The following KCNIP4 variants were observed in gnomAD, a reference collection of about 807,000 sequenced individuals.
KCNIP4 encodes potassium voltage-gated channel interacting protein 4, also known as Kv channel-interacting protein 4.
A neutral mutation model predicts 34.0 loss-of-function variants in KCNIP4; 12 were observed. The ratio of observed to expected loss-of-function variants is 0.35; its 90% confidence interval spans 0.23 to 0.57. The LOEUF is 0.57. Ranked by LOEUF, KCNIP4 falls within the 20% of genes least tolerant of loss-of-function variation. KCNIP4 has a pLI of 0.83. For missense variants in KCNIP4, 238 were observed against 311.7 expected, an observed-to-expected ratio of 0.76 and a Z score of 1.78; for synonymous variants, 124 against 102.2, an observed-to-expected ratio of 1.21 and a Z score of -1.29.
chr4:21,366,961 T>G (rs1463199594), intron 1 of KCNIP4, among the ~76,000 whole-genome samples: 1 of 152,134 alleles, frequency 6.6e-6, no homozygotes, highest in Non-Finnish European at 1.5e-5. Context: ...AGGAGGTGAT[T>G]AACTCATGAG....
intron 2 of KCNIP4, among the ~76,000 whole-genome samples, chr4:20,867,829 A>G (rs1341081042): frequency 4.6e-5 from 7 of 152,042 alleles, no homozygotes; most frequent in Admixed American, 2.6e-4. Context: ...GAATTGAACA[A>G]TGAGAACACA....
At chr4:20,820,962 C>T (rs1257887925) in intron 3 of KCNIP4, among the ~76,000 whole-genome samples, 1 of 152,208 alleles carries the variant, frequency 6.6e-6, no homozygotes, top group Non-Finnish European at 1.5e-5. Context: ...GCTGTGGAGG[C>T]ATAGCTACCT....
At chr4:20,810,293 C>A (rs1021471465) in intron 3 of KCNIP4, among the ~76,000 whole-genome samples, 1 of 152,020 alleles carries the variant, frequency 6.6e-6, no homozygotes, top group Non-Finnish European at 1.5e-5. Context: ...CTCTGGCATC[C>A]ATTTATGGGT....
intron 1 of KCNIP4, among the ~76,000 whole-genome samples, chr4:21,357,711 A>G (rs534235490): frequency 6.6e-6 from 1 of 152,316 alleles, no homozygotes; most frequent in Non-Finnish European, 1.5e-5. Flanking sequence ...ACACTTTTAC[A>G]TTGTTGGTGG....
chr4:21,832,763 C>G (rs1264892889), intron 1 of KCNIP4, among the ~76,000 whole-genome samples: 1 of 131,432 alleles, frequency 7.6e-6, no homozygotes, highest in Non-Finnish European at 1.6e-5. Flanking sequence ...ACAACAGTCC[C>G]CAGAGTGTGA....
chr4:21,218,278 G>A (rs1303403039), intron 1 of KCNIP4, among the ~76,000 whole-genome samples: 1 of 152,118 alleles, frequency 6.6e-6, no homozygotes, highest in African/African-American at 2.4e-5. Flanking sequence ...GCCTTCCAAA[G>A]TGCTGGGATT....
At chr4:21,393,613 CTA>C (rs1175243825) in intron 1 of KCNIP4, among the ~76,000 whole-genome samples, 1 of 152,104 alleles carries the variant, frequency 6.6e-6, no homozygotes, top group East Asian at 1.9e-4. Context: ...GTTTTACAGA[CTA>C]ATGGTAATAA....
At chr4:21,835,954 A>C (rs1439114079) in intron 1 of KCNIP4, among the ~76,000 whole-genome samples, 1 of 152,220 alleles carries the variant, frequency 6.6e-6, no homozygotes, top group African/African-American at 2.4e-5. Flanking sequence ...TCAACTGTAC[A>C]TAATTCAACT....
At chr4:21,199,624 T>A (rs1322791133) in intron 1 of KCNIP4, among the ~76,000 whole-genome samples, 2 of 151,944 alleles carry the variant, frequency 1.3e-5, no homozygotes, top group Non-Finnish European at 2.9e-5. Context: ...TTTGGTGTTT[T>A]AGTCATGAAG....
At chr4:21,349,061 G>A (rs1475993152) in intron 1 of KCNIP4, among the ~76,000 whole-genome samples, 3 of 152,160 alleles carry the variant, frequency 2.0e-5, no homozygotes, top group East Asian at 1.9e-4. Context: ...CAAGAACCTG[G>A]AATTCATAGC....
intron 1 of KCNIP4, among the ~76,000 whole-genome samples, chr4:21,855,352 G>A (rs550315469): frequency 6.6e-6 from 1 of 152,214 alleles, no homozygotes; most frequent in South Asian, 2.1e-4. Flanking sequence ...AAATCACTCT[G>A]GCATTCTATT....
intron 1 of KCNIP4, among the ~76,000 whole-genome samples, chr4:21,465,727 A>G (rs1729866842): frequency 6.6e-6 from 1 of 151,930 alleles, no homozygotes; most frequent in Non-Finnish European, 1.5e-5. Flanking sequence ...TGAGGGTTAA[A>G]TATTTAAGAT....
chr4:21,438,693 A>C (rs2109695329), intron 1 of KCNIP4, among the ~76,000 whole-genome samples: 1 of 152,352 alleles, frequency 6.6e-6, no homozygotes, highest in African/African-American at 2.4e-5. Context: ...AAATAAAATT[A>C]ATTCAAATTT....
intron 1 of KCNIP4, among the ~76,000 whole-genome samples, chr4:21,048,595 A>T (rs1233003705): frequency 6.6e-6 from 1 of 152,194 alleles, no homozygotes; most frequent in Non-Finnish European, 1.5e-5. Flanking sequence ...TGCCAATAAG[A>T]TCAAGTAGAA....
intron 5 of KCNIP4, among the ~76,000 whole-genome samples, chr4:20,742,629 G>T (rs1331089864): frequency 6.6e-6 from 1 of 152,116 alleles, no homozygotes; most frequent in Non-Finnish European, 1.5e-5. Context: ...GCAAAAACTG[G>T]ACTCATTCCC....
chr4:21,532,933 T>A (rs1414203947), intron 1 of KCNIP4, among the ~76,000 whole-genome samples: 1 of 138,486 alleles, frequency 7.2e-6, no homozygotes, highest in Admixed American at 7.1e-5. Context: ...CATCTCAAGG[T>A]TGTTAGATTT....
At chr4:20,769,380 A>T (rs575610632) in intron 3 of KCNIP4, among the ~76,000 whole-genome samples, 1 of 152,306 alleles carries the variant, frequency 6.6e-6, no homozygotes. Context: ...CTTTAGTGGA[A>T]TGCATGTAGA....
At chr4:21,598,675 C>T (rs1017279650) in intron 1 of KCNIP4, among the ~76,000 whole-genome samples, 1 of 151,926 alleles carries the variant, frequency 6.6e-6, no homozygotes, top group Non-Finnish European at 1.5e-5. Context: ...TTAGACAGTG[C>T]TTCCCCCCAA....
chr4:21,043,918 G>T (rs897239377), intron 1 of KCNIP4, among the ~76,000 whole-genome samples: 3 of 152,094 alleles, frequency 2.0e-5, no homozygotes, highest in African/African-American at 7.2e-5. Flanking sequence ...TGGTCCTATA[G>T]TATCCAAATC....
Sources: gnomAD v4.1 joint callset for allele counts (sites outside exome capture counted in the v4.1 genomes callset) on GRCh38, gnomAD v4.1.1 for gene constraint, MANE v1.5 for transcripts, NCBI Gene and HGNC (gene_info 2026-07-23, HGNC 2026-07-21) for gene names.